The following PLXNB1 variants were observed in gnomAD, a reference collection of about 807,000 sequenced individuals.
PLXNB1 encodes the protein plexin-B1.
In PLXNB1, 106 loss-of-function variants were observed where a neutral mutation model predicts 209.4. That is an observed-to-expected ratio of 0.51 (90% CI 0.43 to 0.59). The LOEUF is 0.59. Ranked by LOEUF, PLXNB1 falls within the 20% of genes least tolerant of loss-of-function variation. PLXNB1 has a pLI of 0.00. For missense variants in PLXNB1, 2,357 were observed against 2,853.2 expected (o/e 0.83, Z 3.96); for synonymous variants, 1,167 against 1,183.2 (o/e 0.99, Z 0.28).
In PLXNB1 at chr3:48,429,601, C is replaced by G. The variant is rs1474270810; in HGVS notation, c.-60+407G>C. Reference sequence around the variant, plus strand: ...CCCCGCATTCCAGCCCCGCGGGCTCCGCATCGGCCGAGGGCTGGGGACCCG... The same window carrying G: ...CCCCGCATTCCAGCCCCGCGGGCTCGGCATCGGCCGAGGGCTGGGGACCCG... On this transcript the variant is annotated intron_variant, in intron 1 of 37. Transcript: ENST00000296440. This position sits in a 1 kb window ranked among gnomAD's most constrained non-coding sequence, Gnocchi z 6.4. 6.6e-6 allele frequency: 1 copy of G among 151,644 alleles called. No homozygotes were observed. Among genetic ancestry groups the G allele is most frequent in the Non-Finnish European group, 1.5e-5 (1 of 67,864 alleles). 9.4% of individuals were successfully genotyped at this position (151,644 alleles called of 1,614,324 possible). A position where few individuals can be genotyped will look rare whatever the true frequency, so the allele number is the denominator to read the frequency against.
Position 48,410,855 on chromosome 3 carries a change from TCC to T in PLXNB1, c.5416+11_5416+12del. ...CAGTGGCTCAGGTCCCCAGGGGCTC[TCC>T]ACGCCCTCACCAACATCAAGGGTGC... On this transcript the variant is annotated intron_variant, in intron 29 of 37. Transcript: ENST00000296440. The surrounding 1 kb of genome is among the most constrained non-coding windows in gnomAD (Gnocchi z 6.4). 1 of 1,603,588 alleles carries T rather than the reference TCC, an allele frequency of 6.2e-7. No homozygotes were observed. The highest frequency in any genetic ancestry group is 8.5e-7 in the Non-Finnish European group (1 of 1,175,258).
chr3:48,404,908 GC>G (rs2037221449), intron 37 of PLXNB1, among the ~76,000 whole-genome samples: 1 of 152,188 alleles, frequency 6.6e-6, no homozygotes, highest in Admixed American at 6.5e-5. Flanking sequence ...GTTCCTGTCT[GC>G]CCGGTGCCAG....
intron 3 of PLXNB1, among the ~76,000 whole-genome samples, chr3:48,423,206 T>TGG (rs2038647486): frequency 6.6e-6 from 1 of 151,900 alleles, no homozygotes; most frequent in Non-Finnish European, 1.5e-5. Flanking sequence ...CTCATTCCAT[T>TGG]CTAGGTCCCT....
At chr3:48,412,328 G>A in intron 26 of PLXNB1, 24 bp from the exon 27 acceptor site, 2 of 1,613,666 alleles carry the variant, frequency 1.2e-6, no homozygotes, top group Non-Finnish European at 1.7e-6. Flanking sequence ...AAAGGGGAGT[G>A]CCAGGGTCAG....
In PLXNB1 at chr3:48,412,456, C is replaced by T. The variant is rs149508021; in HGVS notation, c.5019G>A (p.Lys1673=). 4.3e-6 allele frequency: 7 copies of T among 1,613,506 alleles called. No homozygotes were observed. Among genetic ancestry groups the T allele is most frequent in the East Asian group, 2.2e-5 (1 of 44,898 alleles). ...GCCACACAGACCTGCGCAGCATCAG[C>T]TTGGGGTTCTTGGCCACATACTGGG... ...LVAQYVAKNP[K]LMLRRTETVV... Residue 1673 remains lysine (K), a synonymous_variant, in exon 26 of 38, where the codon AAG becomes AAA. Coordinates refer to ENST00000296440, the MANE Select transcript of PLXNB1 (RefSeq NM_001130082.3).
At position 48,418,601 on chromosome 3, in the gene PLXNB1, G is replaced by C; in HGVS notation, c.2956-59C>G. The C allele has an allele frequency of 7.0e-7, 1 of 1,427,838 alleles. No individual in the cohort carries two copies. Among genetic ancestry groups the C allele is most frequent in the Non-Finnish European group, 9.7e-7 (1 of 1,033,808 alleles). 88.4% of individuals were successfully genotyped at this position (1,427,838 alleles called of 1,614,324 possible). ...CTGGGGGAAGTGTCAGGCCTGGGGA[G>C]GGGTTAGTCAGAGAAAGGACTAAAA... On this transcript the variant is annotated intron_variant, in intron 13 of 37. Transcript: ENST00000296440. The surrounding 1 kb of genome is among the most constrained non-coding windows in gnomAD (Gnocchi z 6.6).
In PLXNB1 at chr3:48,422,400, C is replaced by A; in HGVS notation, c.1350G>T (p.Gly450=). ...AGGTGAGGTCTCTGCTCACTGCAGA[C>A]CCCTGCTGGATGCTCTGTGTGGAGT... The part of the protein sequence containing the change: ...HPYSTQSIQQ[G]SAVSRDLTFD... Residue 450 remains glycine (G), a synonymous_variant, in exon 5 of 38, where the codon GGG becomes GGT. Coordinates refer to ENST00000296440, the MANE Select transcript of PLXNB1 (RefSeq NM_001130082.3). 6.2e-7 allele frequency: 1 copy of A among 1,605,588 alleles called. No homozygotes were observed.
At position 48,410,648 on chromosome 3, in the gene PLXNB1, CTCCA is replaced by C. The variant is rs924140494; in HGVS notation, c.5417-94_5417-91del. On this transcript the variant is annotated intron_variant, in intron 29 of 37. Transcript: ENST00000296440. This position sits in a 1 kb window ranked among gnomAD's most constrained non-coding sequence, Gnocchi z 6.4. ...TCCTCCTCCACAGGGACACCAGCCCCTCCATCATGGGGCAGCCTTACTCAACCTC... is the reference window on the plus strand; with the variant it reads ...TCCTCCTCCACAGGGACACCAGCCCCTCATGGGGCAGCCTTACTCAACCTC... The C allele has an allele frequency of 6.9e-6, 8 of 1,157,378 alleles. No individual in the cohort carries two copies. Among genetic ancestry groups the C allele is most frequent in the African/African-American group, 1.5e-5 (1 of 65,810 alleles). 71.7% of individuals were successfully genotyped at this position (1,157,378 alleles called of 1,614,324 possible).
Position 48,415,647 on chromosome 3 carries a change from C to G in PLXNB1, c.3730G>C (p.Gly1244Arg). The G allele has an allele frequency of 6.3e-7, 1 of 1,577,706 alleles. No homozygotes were observed. The change falls in exon 19 of 38, where the codon GGA (glycine) becomes CGA (arginine). Residue 1244 changes from glycine (G) to arginine (R), a missense_variant. Coordinates refer to ENST00000296440, the MANE Select transcript of PLXNB1 (RefSeq NM_001130082.3). This position sits in a 1 kb window ranked among gnomAD's most constrained non-coding sequence, Gnocchi z 5.0. The stretch of plus-strand genomic sequence containing the variant: ...GGGTCCAAGGTATACTTGAACTGTC[C>G]GCGTTGAAGCCTCCGCTCCGTGGCC... The part of the protein sequence containing the change: ...FGATERRLQR[G>R]QFKYTLDPNI...
Position 48,416,437 on chromosome 3 carries a change from G to C in PLXNB1, c.3389C>G (p.Thr1130Ser). The C allele has an allele frequency of 6.2e-7, 1 of 1,612,588 alleles. No homozygotes were observed. Among genetic ancestry groups the C allele is most frequent in the South Asian group, 1.1e-5 (1 of 91,014 alleles). Residue 1130 changes from threonine (T) to serine (S), a missense_variant, in exon 17 of 38, where the codon ACC becomes AGC. Physicochemically the swap from Thr to Ser is moderately conservative, Grantham distance 58 (BLOSUM62 1). This residue lies in a region of PLXNB1 where 743 missense variants were observed against 896.2 expected (regional missense o/e 0.83). Transcript: ENST00000296440. This position sits in a 1 kb window ranked among gnomAD's most constrained non-coding sequence, Gnocchi z 4.1. The part of the protein sequence containing the change: ...YEVSSSLVCI[T>S]GASGEEVAGA... ...GGCCACCTCCTCCCCACTGGCCCCG[G>C]TGATGCACACGAGGCTGTAGGCACA...
rs1430343008 is a variant in PLXNB1, at chr3:48,417,469, T to C, written c.3374+442A>G. On this transcript the variant is annotated intron_variant, in intron 16 of 37. Transcript: ENST00000296440. This position sits in a 1 kb window ranked among gnomAD's most constrained non-coding sequence, Gnocchi z 4.4. ...ACAGTGGAGCCTGGCCCTCGGCCAG[T>C]GTGCCTTTCTGAGGTGTGCCTTCCA... Among the ~76,000 whole-genome samples the C allele has an allele frequency of 6.6e-6, 1 of 152,180 alleles. No individual in the cohort carries two copies. The highest frequency in any genetic ancestry group is 6.5e-5 in the Admixed American group (1 of 15,278).
chr3:48,413,011 T>C lies in PLXNB1; in HGVS notation c.4637-52A>G, dbSNP rs764759201. The C allele has an allele frequency of 4.4e-6, 7 of 1,603,920 alleles. No individual in the cohort carries two copies. Among genetic ancestry groups the C allele is most frequent in the Non-Finnish European group, 5.1e-6 (6 of 1,170,714 alleles). On this transcript the variant is annotated intron_variant, in intron 24 of 37. Transcript: ENST00000296440. This position sits in a 1 kb window ranked among gnomAD's most constrained non-coding sequence, Gnocchi z 5.4. ...GCACCTGTTAAGCACCAATCCCGTG[T>C]GATGGGAGTGGGTTTGGGCAGAGTT...
Position 48,416,405 on chromosome 3 carries a change from TG to T in PLXNB1, c.3420del (p.Thr1141GlnfsTer42). ...TGASGEEVAG[A>X]TAVEVPGRGR... is the part of the protein sequence containing the mutation. The stretch of plus-strand genomic sequence containing the variant: ...CCTCTTCCCGGCACCTCCACCGCTG[TG>T]GCGCCGGCCACCTCCTCCCCACTGG... On this transcript the variant is annotated frameshift_variant, in exon 17 of 38. Transcript: ENST00000296440. LOFTEE classifies it high-confidence loss of function. The surrounding 1 kb of genome is among the most constrained non-coding windows in gnomAD (Gnocchi z 4.1). The T allele has an allele frequency of 1.2e-6, 2 of 1,613,206 alleles. No individual in the cohort carries two copies. Among genetic ancestry groups the T allele is most frequent in the Non-Finnish European group, 1.7e-6 (2 of 1,179,942 alleles).
At chr3:48,414,338 T>C (rs900223494) in intron 21 of PLXNB1, among the ~76,000 whole-genome samples, 4 of 152,190 alleles carry the variant, frequency 2.6e-5, no homozygotes, top group Non-Finnish European at 5.9e-5. Context: ...CTAACAAAGC[T>C]GGAGCCCCCA....
rs34256029 is a variant in PLXNB1 at position 48,423,956 on chromosome 3, A to G, written c.656T>C (p.Val219Ala). 48 of 1,614,022 alleles carry G rather than the reference A, an allele frequency of 3.0e-5. 1 individual carries two copies. In the African/African-American group the frequency reaches 6.0e-4, roughly 20 times the overall value. The change falls in exon 3 of 38, where the codon GTG becomes GCG. Residue 219 changes from valine to alanine, a missense_variant. Around this residue, in one of 7 missense-constraint regions of PLXNB1, gnomAD observed 404 missense variants for 443.6 expected, o/e 0.91. Coordinates refer to ENST00000296440, the MANE Select transcript of PLXNB1 (RefSeq NM_001130082.3). ...GRLSEYSHHFVSAFARGASAY... is the reference protein window; with the variant it reads ...GRLSEYSHHFASAFARGASAY... ...GCTGGCCCCACGTGCAAAGGCACTC[A>G]CGAAGTGGTGGCTGTACTCGGAGAG...
chr3:48,416,121 C>G lies in PLXNB1; in HGVS notation c.3527G>C (p.Gly1176Ala). 6.3e-7 allele frequency: 1 copy of G among 1,599,382 alleles called. No homozygotes were observed. The highest frequency in any genetic ancestry group is 2.3e-5 in the East Asian group (1 of 44,154). Residue 1176 changes from glycine to alanine, a missense_variant, in exon 18 of 38, where the codon GGG (glycine) becomes GCG (alanine). Gly to Ala is a moderately conservative substitution (Grantham distance 60). This residue lies in a region of PLXNB1 where 743 missense variants were observed against 896.2 expected (regional missense o/e 0.83). Coordinates refer to ENST00000296440, the MANE Select transcript of PLXNB1 (RefSeq NM_001130082.3). This position sits in a 1 kb window ranked among gnomAD's most constrained non-coding sequence, Gnocchi z 4.1. The part of the protein sequence containing the change: ...SIFPARGPRA[G>A]GTRLTLNGSK... The stretch of plus-strand genomic sequence containing the variant: ...GCCATTCAGGGTGAGACGGGTGCCC[C>G]CAGCTCTGGGGCCGCGGGCCGGGAA...
At position 48,405,826 on chromosome 3, in the gene PLXNB1, G is replaced by A; in HGVS notation, c.6229-28C>T. On this transcript the variant is annotated intron_variant, in intron 36 of 37. Coordinates refer to ENST00000296440, the MANE Select transcript of PLXNB1 (RefSeq NM_001130082.3). The surrounding 1 kb of genome is among the most constrained non-coding windows in gnomAD (Gnocchi z 5.0). ...AGGGAAGAGGCCAAATGAAAGGTGAGAGAGACGAGGGGTGCAGAGAGCCAC... is the reference window on the plus strand; with the variant it reads ...AGGGAAGAGGCCAAATGAAAGGTGAAAGAGACGAGGGGTGCAGAGAGCCAC... 1.9e-6 allele frequency: 3 copies of A among 1,594,302 alleles called. No homozygotes were observed. Among genetic ancestry groups the A allele is most frequent in the Non-Finnish European group, 2.6e-6 (3 of 1,163,436 alleles).
chr3:48,409,075 G>A lies in PLXNB1; in HGVS notation c.6087+254C>T, dbSNP rs2037484364. On this transcript the variant is annotated intron_variant, in intron 34 of 37. Transcript: ENST00000296440. This position sits in a 1 kb window ranked among gnomAD's most constrained non-coding sequence, Gnocchi z 5.8. ...TGGCCCTGGCCTACTGCCACGCCTG[G>A]CCAGCATTCTATGCCCCAGCCACAC... 6.6e-6 allele frequency among the ~76,000 whole-genome samples: 1 copy of A among 152,194 alleles called. No individual in the cohort carries two copies. The highest frequency in any genetic ancestry group is 6.5e-5 in the Admixed American group (1 of 15,284).
At position 48,422,954 on chromosome 3, in the gene PLXNB1, G is replaced by T. The variant is rs755880356; in HGVS notation, c.1108-7C>A. 5 of 1,607,726 alleles carry T rather than the reference G, an allele frequency of 3.1e-6. No individual in the cohort carries two copies. In the South Asian group the frequency reaches 5.5e-5, roughly 18 times the overall value. On this transcript the variant is annotated splice_region_variant and splice_polypyrimidine_tract_variant and intron_variant, in intron 3 of 37. Coordinates refer to ENST00000296440, the MANE Select transcript of PLXNB1 (RefSeq NM_001130082.3). The stretch of plus-strand genomic sequence containing the variant: ...GATAAGCATCCAGGGTGTCCTATAG[G>T]CAGCAAGAAGCATCAGGAAGGCCCT...
Sources: gnomAD v4.1 joint callset for allele counts (sites outside exome capture counted in the v4.1 genomes callset) on GRCh38, gnomAD v4.1.1 for gene constraint, gnomAD v4.1.1 regional missense constraint, Gnocchi (gnomAD v3.1) non-coding constraint, MANE v1.5 for transcripts, NCBI Gene and HGNC (gene_info 2026-07-23, HGNC 2026-07-21) for gene names.